The following MISFA variants were observed in gnomAD, a reference collection of about 807,000 sequenced individuals.
MISFA encodes the protein mitochondrial sheath formation associated.
the MISFA span, chr11:18,602,386 T>G: frequency 6.6e-6 from 1 of 152,648 alleles, no homozygotes; most frequent in Non-Finnish European, 1.5e-5. Context: ...GGTTTTTATC[T>G]CCATCTGCCC....
chr11:18,603,559 C>A, the MISFA span, among the ~76,000 whole-genome samples: 1 of 152,226 alleles, frequency 6.6e-6, no homozygotes, highest in African/African-American at 2.4e-5. Context: ...TTTCTCTCTC[C>A]TCCTGCTAGA....
the MISFA span, chr11:18,602,359 C>G: frequency 6.5e-6 from 1 of 152,698 alleles, no homozygotes; most frequent in Non-Finnish European, 1.5e-5. Flanking sequence ...ATACTAAGAG[C>G]AGGACTTGAT....
At chr11:18,602,858 G>A in the MISFA span, 1 of 342,796 alleles carries the variant, frequency 2.9e-6, no homozygotes, top group Non-Finnish European at 5.2e-6. Context: ...CTAGCACCCT[G>A]GCCAACCATC....
chr11:18,606,062 A>G, the MISFA span, among the ~76,000 whole-genome samples: 2 of 152,176 alleles, frequency 1.3e-5, no homozygotes, highest in South Asian at 4.1e-4. Context: ...GCTCATTTTG[A>G]CAAGAGGAAC....
the MISFA span, chr11:18,601,042 G>A: frequency 5.0e-6 from 2 of 398,428 alleles, no homozygotes; most frequent in Non-Finnish European, 8.8e-6. Flanking sequence ...GTTACCCACT[G>A]GGCCAATGAG....
chr11:18,604,268 A>G, the MISFA span, among the ~76,000 whole-genome samples: 916 of 152,226 alleles, frequency 6.0e-3, 7 homozygotes, highest in African/African-American at 0.021. Flanking sequence ...GTATTCTGTT[A>G]GCTTGTAACA....
At chr11:18,599,913 TGTTTTAC>T in the MISFA span, 1 of 399,034 alleles carries the variant, frequency 2.5e-6, no homozygotes. Context: ...TCTTAGAAAT[TGTTTTAC>T]GTTTGATCAT....
chr11:18,600,326 C>A, the MISFA span, among the ~76,000 whole-genome samples: 1 of 151,744 alleles, frequency 6.6e-6, no homozygotes, highest in South Asian at 2.1e-4. Flanking sequence ...GCCTCAGCCT[C>A]CTGAGCAGCT....
At chr11:18,607,560 G>C in the MISFA span, 1 of 152,514 alleles carries the variant, frequency 6.6e-6, no homozygotes, top group Non-Finnish European at 1.5e-5. Context: ...TAAAAATCAA[G>C]CATTTAATTT....
At chr11:18,600,909 C>T in the MISFA span, among the ~76,000 whole-genome samples, 2 of 152,126 alleles carry the variant, frequency 1.3e-5, no homozygotes, top group African/African-American at 4.8e-5. Context: ...TGCAAGGGGT[C>T]TGCTGGAGAC....
the MISFA span, among the ~76,000 whole-genome samples, chr11:18,604,490 T>C: frequency 6.6e-6 from 1 of 151,844 alleles, no homozygotes; most frequent in Non-Finnish European, 1.5e-5. Context: ...ACCCCGTCTC[T>C]ACTAAAAATA....
At chr11:18,599,853 G>A in the MISFA span, 6 of 397,730 alleles carry the variant, frequency 1.5e-5, no homozygotes, top group Admixed American at 1.3e-4. Flanking sequence ...TTTCGTGAGC[G>A]CACTCCTTTG....
the MISFA span, chr11:18,601,417 CTG>C: frequency 2.5e-6 from 1 of 396,852 alleles, no homozygotes; most frequent in Non-Finnish European, 4.4e-6. Flanking sequence ...CCTCACAACA[CTG>C]TAATATATTA....
chr11:18,602,993 C>T, the MISFA span: 1 of 396,088 alleles, frequency 2.5e-6, no homozygotes, highest in South Asian at 1.4e-4. Context: ...CCACGAAGCT[C>T]CTTAGTGAGG....
the MISFA span, chr11:18,601,651 C>G: frequency 2.5e-6 from 1 of 395,802 alleles, no homozygotes; most frequent in African/African-American, 2.1e-5. Context: ...CTCAAGTGGT[C>G]CCCCAGCCTT....
chr11:18,602,752 G>A, the MISFA span: 2 of 185,528 alleles, frequency 1.1e-5, no homozygotes, highest in Admixed American at 1.2e-4. Context: ...CATTTTGGCA[G>A]GTGACGAGTT....
At chr11:18,609,403 T>C in the MISFA span, 1 of 157,396 alleles carries the variant, frequency 6.4e-6, no homozygotes, top group African/African-American at 2.4e-5. Context: ...ACTTTATTGC[T>C]GGCAACATTC....
chr11:18,602,769 T>C, the MISFA span: 1 of 204,556 alleles, frequency 4.9e-6, no homozygotes, highest in Non-Finnish European at 9.7e-6. Flanking sequence ...AGTTAATGAG[T>C]ATACTGCCAG....
At chr11:18,606,707 C>T in the MISFA span, 1 of 405,112 alleles carries the variant, frequency 2.5e-6, no homozygotes, top group Admixed American at 3.7e-5. Flanking sequence ...ACCAGTCTCT[C>T]TTCATATATT....
Sources: allele counts gnomAD v4.1 joint callset (sites outside exome capture counted in the v4.1 genomes callset), GRCh38; gene constraint gnomAD v4.1.1; transcripts MANE v1.5; gene names NCBI Gene and HGNC (gene_info 2026-07-23, HGNC 2026-07-21).